ARID4B: variants seen among roughly 807,000 people sequenced by gnomAD.
ARID4B encodes the protein AT-rich interactive domain-containing protein 4B.
Under a neutral mutation model 147.5 loss-of-function variants are expected in ARID4B, and 26 were observed. The ratio of observed to expected loss-of-function variants is 0.18; its 90% CI spans 0.13 to 0.24. The LOEUF is 0.24. ARID4B is among the 10% of genes least tolerant of loss of function. ARID4B has a pLI of 1.00. For synonymous variants in ARID4B, 512 were observed against 507.9 expected (o/e 1.01, Z -0.11); for missense variants, 1,179 against 1,511.5 (o/e 0.78, Z 3.65).
intron 2 of ARID4B, among the ~76,000 whole-genome samples, chr1:235,275,885 C>T (rs765063080): frequency 1.3e-5 from 2 of 152,124 alleles, no homozygotes; most frequent in South Asian, 2.1e-4. Flanking sequence ...GCCTGTAATC[C>T]CAACACGCTG....
intron 21 of ARID4B, 37 bp downstream of exon 21, chr1:235,177,763 A>G: frequency 7.1e-7 from 1 of 1,402,368 alleles, no homozygotes; most frequent in East Asian, 2.3e-5. Flanking sequence ...ATCAGCTATT[A>G]TTTTTATATT....
In ARID4B at chr1:235,174,364, G is replaced by C. The variant is rs150374943; in HGVS notation, c.3664+820C>G. Among the ~76,000 whole-genome samples, 43 of 152,084 alleles carry C rather than the reference G, an allele frequency of 2.8e-4. 1 individual carries two copies. In the East Asian group the frequency reaches 8.2e-3, roughly 29 times the overall value. On this transcript the variant is annotated intron_variant, in intron 22 of 23. Transcript: ENST00000264183. ...ATATCAGAAATATCTAGTCAGTGTTGGCATTTGCCTCAACTGCCTTAAAAT... is the reference window on the plus strand; with the variant it reads ...ATATCAGAAATATCTAGTCAGTGTTCGCATTTGCCTCAACTGCCTTAAAAT...
At chr1:235,213,143 T>C (rs1666815908) in intron 17 of ARID4B, among the ~76,000 whole-genome samples, 1 of 152,146 alleles carries the variant, frequency 6.6e-6, no homozygotes, top group African/African-American at 2.4e-5. Flanking sequence ...TCATTGAACA[T>C]GACTTAAAAC....
chr1:235,279,208 C>A (rs912268777), intron 2 of ARID4B, among the ~76,000 whole-genome samples: 2 of 152,110 alleles, frequency 1.3e-5, no homozygotes, highest in East Asian at 1.9e-4. Flanking sequence ...ATGCACCCCC[C>A]ACCCCCGGCA....
At chr1:235,179,118 A>G (rs1425175857) in intron 20 of ARID4B, among the ~76,000 whole-genome samples, 1 of 152,210 alleles carries the variant, frequency 6.6e-6, no homozygotes, top group Non-Finnish European at 1.5e-5. Flanking sequence ...AGAGTAAATT[A>G]AGAGGAAAAA....
chr1:235,179,538 A>AAAC (rs1664137894), intron 20 of ARID4B, among the ~76,000 whole-genome samples: 1 of 110,580 alleles, frequency 9.0e-6, no homozygotes, highest in Non-Finnish European at 1.9e-5. Flanking sequence ...AAAAAAAAAA[A>AAAC]AAAAAAAAAA....
chr1:235,186,413 T>TTA (rs1553283286), intron 19 of ARID4B, among the ~76,000 whole-genome samples: 2 of 141,760 alleles, frequency 1.4e-5, no homozygotes, highest in African/African-American at 5.5e-5. Flanking sequence ...ATTTGCTTAT[T>TTA]TTTTTTTTTT....
At chr1:235,214,580 C>A (rs1033160962) in intron 16 of ARID4B, among the ~76,000 whole-genome samples, 19 of 151,976 alleles carry the variant, frequency 1.3e-4, no homozygotes, top group Non-Finnish European at 2.9e-5. Flanking sequence ...ATTCTCCAAC[C>A]GAATTTTCAA....
intron 17 of ARID4B, among the ~76,000 whole-genome samples, chr1:235,209,564 T>G (rs900738697): frequency 1.6e-5 from 2 of 127,362 alleles, no homozygotes; most frequent in South Asian, 2.3e-4. Flanking sequence ...TTGTTTTTTG[T>G]TTTGTTTTTT....
chr1:235,215,509 TTATA>T (rs1171183626), intron 16 of ARID4B, among the ~76,000 whole-genome samples: 2 of 150,546 alleles, frequency 1.3e-5, no homozygotes, highest in Non-Finnish European at 3.0e-5. Flanking sequence ...AGAGTAATGA[TTATA>T]TATATACATA....
chr1:235,204,472 T>G (rs1666176021), intron 17 of ARID4B, among the ~76,000 whole-genome samples: 1 of 152,134 alleles, frequency 6.6e-6, no homozygotes. Flanking sequence ...CCATAAATAT[T>G]ATAGCATAGT....
chr1:235,325,031 A>G (rs912492068), intron 2 of ARID4B, among the ~76,000 whole-genome samples: 4 of 152,208 alleles, frequency 2.6e-5, no homozygotes, highest in Admixed American at 2.0e-4. Flanking sequence ...GCAAAATACA[A>G]ATTACAAGAA....
At chr1:235,240,536 CTT>C (rs749235699) in intron 7 of ARID4B, 85 bp from the exon 8 acceptor site, 13 of 1,275,910 alleles carry the variant, frequency 1.0e-5, no homozygotes, top group Non-Finnish European at 1.4e-5. Flanking sequence ...TTCCCAAACT[CTT>C]ATTACATTTC....
In ARID4B at chr1:235,181,940, A is replaced by G; in HGVS notation, c.2979T>C (p.Asp993=). 4 of 1,614,112 alleles carry G rather than the reference A, an allele frequency of 2.5e-6. No homozygotes were observed. The highest frequency in any genetic ancestry group is 3.4e-6 in the Non-Finnish European group (4 of 1,180,026). ...ELEKPPPVNV[D]SKPIEEKTVE... ...CTGTTTTTTCTTCAATGGGTTTACT[A>G]TCGACATTGACTGGAGGTGGTTTTT... is the stretch of plus-strand genomic sequence containing the variant. The change falls in exon 20 of 24, where the codon GAT becomes GAC. Residue 993 remains aspartate, a synonymous_variant. Coordinates refer to ENST00000264183, the MANE Select transcript of ARID4B (RefSeq NM_016374.6).
chr1:235,220,464 C>T lies in ARID4B; in HGVS notation c.1245G>A (p.Lys415=), dbSNP rs940136311. The change falls in exon 15 of 24, where the codon AAG becomes AAA. Residue 415 remains lysine (K), a synonymous_variant. Transcript: ENST00000264183. ...QMALPEKVVN[K]QCKECENVKE... ...TTACATTTTCACACTCCTTACATTG[C>T]TTGTTAACAACTTTCTCTGGCAATG... 5.0e-6 allele frequency: 8 copies of T among 1,612,632 alleles called. No homozygotes were observed. The highest frequency in any genetic ancestry group is 2.2e-5 in the South Asian group (2 of 91,012).
At chr1:235,303,199 A>G (rs143127532) in intron 2 of ARID4B, among the ~76,000 whole-genome samples, 1 of 152,310 alleles carries the variant, frequency 6.6e-6, no homozygotes, top group East Asian at 1.9e-4. Flanking sequence ...CTAGGATTAC[A>G]GGCCTGAGCC....
intron 2 of ARID4B, among the ~76,000 whole-genome samples, chr1:235,280,616 C>T (rs1191590442): frequency 6.6e-6 from 1 of 152,270 alleles, no homozygotes; most frequent in Non-Finnish European, 1.5e-5. Context: ...TCGCCGAAAG[C>T]ACACCAGTGC....
Position 235,313,349 on chromosome 1 carries a change from T to TA in ARID4B, c.6+13564dup, listed in dbSNP as rs1674208416. ...ATGCCTAAGTTGAATTTTTTTTTTT[T>TA]ATTCTGAAATAGACATAAGCCAAGC... On this transcript the variant is annotated intron_variant, in intron 2 of 23. Transcript: ENST00000264183. Among the ~76,000 whole-genome samples, 6 of 150,222 alleles carry TA rather than the reference T, an allele frequency of 4.0e-5. No homozygotes were observed. In the South Asian group the frequency reaches 6.4e-4, roughly 16 times the overall value.
chr1:235,237,114 C>A (rs1668661171), intron 8 of ARID4B, among the ~76,000 whole-genome samples: 1 of 151,072 alleles, frequency 6.6e-6, no homozygotes, highest in East Asian at 2.0e-4. Flanking sequence ...CTCAGGTGAT[C>A]CGCCTGCCTC....
Sources: gnomAD v4.1 joint callset for allele counts (sites outside exome capture counted in the v4.1 genomes callset) on GRCh38, gnomAD v4.1.1 for gene constraint, MANE v1.5 for transcripts, NCBI Gene and HGNC (gene_info 2026-07-23, HGNC 2026-07-21) for gene names.